The following PRKG1 variants were observed in gnomAD, a reference collection of about 807,000 sequenced individuals.
PRKG1 encodes cGMP-dependent protein kinase 1.
In PRKG1, 35 loss-of-function variants were observed where a neutral mutation model predicts 88.1. The observed-to-expected ratio is 0.40, with a 90% CI of 0.30 to 0.53. PRKG1 has a LOEUF of 0.53. Ranked by LOEUF, PRKG1 falls within the 20% of genes least tolerant of loss-of-function variation. The pLI is 0.59. For synonymous variants in PRKG1, 303 were observed against 292.5 expected, an observed-to-expected ratio of 1.04 and a Z score of -0.37; for missense variants, 540 against 839.8, an observed-to-expected ratio of 0.64 and a Z score of 4.41.
intron 3 of PRKG1, among the ~76,000 whole-genome samples, chr10:51,794,283 G>A (rs1372578117): frequency 6.6e-6 from 1 of 152,092 alleles, no homozygotes; most frequent in East Asian, 1.9e-4. Flanking sequence ...CACCCTACAT[G>A]TAGTAATGGA....
intron 3 of PRKG1, among the ~76,000 whole-genome samples, chr10:51,718,596 T>C (rs1841940301): frequency 6.6e-6 from 1 of 152,198 alleles, no homozygotes; most frequent in South Asian, 2.1e-4. Flanking sequence ...TATTCATGAA[T>C]CATAGTGATA....
At chr10:51,137,738 G>T (rs551166646) in intron 1 of PRKG1, among the ~76,000 whole-genome samples, 1 of 152,150 alleles carries the variant, frequency 6.6e-6, no homozygotes, top group Non-Finnish European at 1.5e-5. Flanking sequence ...GTTGATTTAC[G>T]GTAGATTTAT....
At chr10:51,919,866 G>A (rs1048807385) in intron 5 of PRKG1, among the ~76,000 whole-genome samples, 16 of 152,070 alleles carry the variant, frequency 1.1e-4, no homozygotes, top group African/African-American at 3.1e-4. Context: ...CAAGTTTCCA[G>A]CACAGCAAGG....
intron 5 of PRKG1, among the ~76,000 whole-genome samples, chr10:51,949,106 A>G (rs952300005): frequency 1.3e-5 from 2 of 152,206 alleles, no homozygotes; most frequent in Non-Finnish European, 2.9e-5. Context: ...ATGGACATCT[A>G]AGACTTAAAT....
intron 5 of PRKG1, among the ~76,000 whole-genome samples, chr10:51,931,496 G>A (rs1340925233): frequency 6.6e-6 from 1 of 152,104 alleles, no homozygotes; most frequent in Non-Finnish European, 1.5e-5. Flanking sequence ...AAGATGGGAA[G>A]GACCCTGGAG....
chr10:52,061,486 G>A (rs1188215067), intron 6 of PRKG1, among the ~76,000 whole-genome samples: 1 of 152,068 alleles, frequency 6.6e-6, no homozygotes, highest in East Asian at 1.9e-4. Flanking sequence ...AGTAGAGCTT[G>A]AGGGAGAAGT....
At chr10:52,262,042 T>G (rs146193874) in intron 10 of PRKG1, among the ~76,000 whole-genome samples, 469 of 152,232 alleles carry the variant, frequency 3.1e-3, no homozygotes, top group Non-Finnish European at 5.3e-3. Flanking sequence ...TTCCTTAAAT[T>G]TAAACAGGTA....
rs77031526 is a variant in PRKG1, at chr10:51,654,532, T to A, written c.593-150053T>A. Among the ~76,000 whole-genome samples the A allele has an allele frequency of 4.8e-3, 733 of 152,156 alleles. 6 individuals carry two copies. The highest frequency in any genetic ancestry group is 0.017 in the African/African-American group (702 of 41,536). ...TGGTCTTCTATGGTTTTTTATTAGT[T>A]TTGAGATTTATTTAAGGAAAGAAAA... On this transcript the variant is annotated intron_variant, in intron 3 of 17. Transcript: ENST00000373980.
intron 4 of PRKG1, among the ~76,000 whole-genome samples, chr10:51,823,430 A>G (rs545819805): frequency 6.6e-6 from 1 of 152,172 alleles, no homozygotes; most frequent in Admixed American, 6.6e-5. Flanking sequence ...ATAACCCTGG[A>G]CTAGCCATTT....
intron 5 of PRKG1, among the ~76,000 whole-genome samples, chr10:51,928,784 C>T (rs1248777206): frequency 2.0e-5 from 3 of 152,104 alleles, no homozygotes; most frequent in African/African-American, 4.8e-5. Context: ...CAAAGAGATA[C>T]AGTTAGTGGA....
At chr10:51,107,830 A>T (rs1368900814) in intron 1 of PRKG1, among the ~76,000 whole-genome samples, 1 of 151,318 alleles carries the variant, frequency 6.6e-6, no homozygotes, top group Non-Finnish European at 1.5e-5. Context: ...AAAAAAAAAA[A>T]AAAAAGATAA....
intron 4 of PRKG1, among the ~76,000 whole-genome samples, chr10:51,833,064 G>A (rs59000217): frequency 0.013 from 1,906 of 152,222 alleles, 36 homozygotes; most frequent in African/African-American, 0.044. Context: ...CTTAAATGAT[G>A]TTGTGATTGT....
intron 2 of PRKG1, among the ~76,000 whole-genome samples, chr10:51,207,408 C>A (rs1002863562): frequency 1.3e-5 from 2 of 152,188 alleles, no homozygotes; most frequent in Admixed American, 1.3e-4. Context: ...CTAAGTCCTT[C>A]ACCAGCATCC....
intron 3 of PRKG1, among the ~76,000 whole-genome samples, chr10:51,801,312 A>T (rs954118707): frequency 1.3e-5 from 2 of 152,104 alleles, no homozygotes; most frequent in African/African-American, 4.8e-5. Flanking sequence ...TGGACACAGA[A>T]AATTGTTTCA....
At chr10:51,284,530 A>G (rs925861978) in intron 2 of PRKG1, among the ~76,000 whole-genome samples, 5 of 152,236 alleles carry the variant, frequency 3.3e-5, no homozygotes, top group African/African-American at 9.6e-5. Context: ...TTTCTAATAC[A>G]TGTATTGTCA....
At chr10:51,992,461 G>A (rs112642943) in intron 5 of PRKG1, among the ~76,000 whole-genome samples, 1 of 152,030 alleles carries the variant, frequency 6.6e-6, no homozygotes, top group Non-Finnish European at 1.5e-5. Flanking sequence ...CTTTAGAAAG[G>A]CACCGGTAAG....
At chr10:52,038,689 G>A (rs1589546905) in intron 5 of PRKG1, among the ~76,000 whole-genome samples, 1 of 152,264 alleles carries the variant, frequency 6.6e-6, no homozygotes, top group Non-Finnish European at 1.5e-5. Flanking sequence ...GAAGGACCAA[G>A]GCAGGCGTCC....
Position 51,467,843 on chromosome 10 carries a change from C to T in PRKG1, c.592+7C>T. 6.3e-7 allele frequency: 1 copy of T among 1,595,426 alleles called. No individual in the cohort carries two copies. The highest frequency in any genetic ancestry group is 1.7e-5 in the Admixed American group (1 of 59,924). On this transcript the variant is annotated splice_region_variant and intron_variant, in intron 3 of 17. Transcript: ENST00000373980. ...CGGACAGCGACCGTCAAGAGTAAGACTATTTTCATATTTTTAAAATATTTT... is the reference window on the plus strand; with the variant it reads ...CGGACAGCGACCGTCAAGAGTAAGATTATTTTCATATTTTTAAAATATTTT...
intron 3 of PRKG1, among the ~76,000 whole-genome samples, chr10:51,472,450 C>T (rs1253829954): frequency 2.0e-5 from 3 of 151,852 alleles, no homozygotes; most frequent in South Asian, 2.1e-4. Flanking sequence ...ATACCTAATA[C>T]ATATGATCTA....
Sources: gnomAD v4.1 joint callset for allele counts (sites outside exome capture counted in the v4.1 genomes callset) on GRCh38, gnomAD v4.1.1 for gene constraint, MANE v1.5 for transcripts, NCBI Gene and HGNC (gene_info 2026-07-23, HGNC 2026-07-21) for gene names.